Variants in GARRE1 observed in about 807,000 individuals in gnomAD.
The protein encoded by GARRE1 is granule associated Rac and RHOG effector protein 1.
A neutral mutation model predicts 103.2 loss-of-function variants in GARRE1; 49 were observed. That is an observed-to-expected ratio of 0.47 (90% confidence interval 0.38 to 0.60). The LOEUF is 0.60. GARRE1 is among the 20% of genes least tolerant of loss of function. The pLI is 0.00. For missense variants in GARRE1, 1,199 were observed against 1,370.5 expected (o/e 0.87, Z 1.98); for synonymous variants, 505 against 532.8 (o/e 0.95, Z 0.72).
rs1468858805 is a variant in GARRE1 at position 34,348,010 on chromosome 19, G to T, written c.2655G>T (p.Arg885=). ...GNWPPMDDAH[R]TWPFPEFFTE... ...GGCCGCCTATGGATGACGCGCATCG[G>T]ACCTGGCCCTTCCCCGAGTTCTTCA... The change falls in exon 11 of 14, where the codon CGG becomes CGT. Residue 885 remains arginine, a synonymous_variant. Coordinates refer to ENST00000299505, the MANE Select transcript of GARRE1 (RefSeq NM_014686.5). 6.6e-7 allele frequency: 1 copy of T among 1,523,524 alleles called. No homozygotes were observed. The highest frequency in any genetic ancestry group is 1.2e-5 in the South Asian group (1 of 80,432). 94.4% of individuals were successfully genotyped at this position (1,523,524 alleles called of 1,614,324 possible). A position where few individuals can be genotyped will look rare whatever the true frequency, so the allele number is the denominator to read the frequency against.
At chr19:34,299,061 G>C (rs1032885197) in intron 1 of GARRE1, among the ~76,000 whole-genome samples, 1 of 152,124 alleles carries the variant, frequency 6.6e-6, no homozygotes, top group African/African-American at 2.4e-5. Flanking sequence ...CCCTTCTCCA[G>C]GCTCTGTTTC....
chr19:34,301,982 CTTTTTTTTTTTT>C (rs35417822), intron 2 of GARRE1, among the ~76,000 whole-genome samples: 37 of 50,062 alleles, frequency 7.4e-4, no homozygotes, highest in East Asian at 1.9e-3. Context: ...TGCGCCCAGC[CTTTTTTTTTTTT>C]TTTTTTTTTT....
At position 34,341,775 on chromosome 19, in the gene GARRE1, T is replaced by C; in HGVS notation, c.1841T>C (p.Val614Ala). ...SQSAQNSSNT[V>A]ANGFLMERRE... ...TCAGCTCAGAATTCCAGTAATACAG[T>C]GGCCAATGGCTTTCTCATGGAGAGG... Residue 614 changes from valine to alanine, a missense_variant, in exon 10 of 14, where the codon GTG becomes GCG. Transcript: ENST00000299505. 6.2e-6 allele frequency: 10 copies of C among 1,614,196 alleles called. No individual in the cohort carries two copies. Among genetic ancestry groups the C allele is most frequent in the Non-Finnish European group, 8.5e-6 (10 of 1,180,022 alleles).
At chr19:34,331,280 T>G (rs2074136773) in intron 7 of GARRE1, among the ~76,000 whole-genome samples, 1 of 152,200 alleles carries the variant, frequency 6.6e-6, no homozygotes, top group South Asian at 2.1e-4. Context: ...GGAGCTACAT[T>G]GGATGTCTGT....
chr19:34,286,062 T>C (rs1381275312), intron 1 of GARRE1, among the ~76,000 whole-genome samples: 1 of 152,110 alleles, frequency 6.6e-6, no homozygotes, highest in African/African-American at 2.4e-5. Context: ...CCAGGCACAG[T>C]GGCACACGCC....
intron 3 of GARRE1, among the ~76,000 whole-genome samples, chr19:34,323,665 C>T (rs1467667649): frequency 2.6e-5 from 4 of 152,240 alleles, no homozygotes; most frequent in Admixed American, 6.5e-5. Context: ...TGTGACTTTA[C>T]AACCCTCGGT....
At chr19:34,295,769 G>A (rs1003026087) in intron 1 of GARRE1, among the ~76,000 whole-genome samples, 2 of 152,080 alleles carry the variant, frequency 1.3e-5, no homozygotes, top group Admixed American at 1.3e-4. Flanking sequence ...GGCCTCAAGC[G>A]ATCCTCTTGT....
Position 34,337,488 on chromosome 19 carries a change from G to A in GARRE1, c.1362-2379G>A, listed in dbSNP as rs369326021. On this transcript the variant is annotated intron_variant, in intron 8 of 13. Coordinates refer to ENST00000299505, the MANE Select transcript of GARRE1 (RefSeq NM_014686.5). ...AGAGGAGCCTGTCATGCAGAGAGCC[G>A]ATGGGGAACACACTTCAGGCAGAAA... 1.0e-3 allele frequency among the ~76,000 whole-genome samples: 156 copies of A among 152,302 alleles called. 3 individuals are homozygous for A. In the South Asian group the frequency reaches 0.031, roughly 30 times the overall value.
Position 34,300,224 on chromosome 19 carries a change from G to A in GARRE1, c.-250G>A, listed in dbSNP as rs1473158354. Reference sequence around the variant, plus strand: ...TAGTAAGAGAGTGGAATGCTAAACAGTTCTTATCCAGCATTTTGGACATCT... The same window carrying A: ...TAGTAAGAGAGTGGAATGCTAAACAATTCTTATCCAGCATTTTGGACATCT... On this transcript the variant is annotated 5_prime_UTR_variant, in exon 2 of 14. Coordinates refer to ENST00000299505, the MANE Select transcript of GARRE1 (RefSeq NM_014686.5). The A allele has an allele frequency of 4.7e-6, 2 of 422,862 alleles. No homozygotes were observed. Among genetic ancestry groups the A allele is most frequent in the African/African-American group, 4.0e-5 (2 of 50,048 alleles). 26.2% of individuals were successfully genotyped at this position (422,862 alleles called of 1,614,324 possible).
chr19:34,270,296 A>T (rs935551315), intron 1 of GARRE1, among the ~76,000 whole-genome samples: 1 of 152,172 alleles, frequency 6.6e-6, no homozygotes, highest in Admixed American at 6.5e-5. Flanking sequence ...TAGGAACATG[A>T]TTTTGTGATT....
rs542578205 is a variant in GARRE1, at chr19:34,351,069, C to T, written c.2826-445C>T. On this transcript the variant is annotated intron_variant, in intron 12 of 13. Transcript: ENST00000299505. ...CAAAAATTAGCTGGGCATGGTGGCACGCACCTGTAATCCCAGCTACTCGGG... is the reference window on the plus strand; with the variant it reads ...CAAAAATTAGCTGGGCATGGTGGCATGCACCTGTAATCCCAGCTACTCGGG... 2.3e-3 allele frequency among the ~76,000 whole-genome samples: 343 copies of T among 151,586 alleles called. 1 individual carries two copies. The highest frequency in any genetic ancestry group is 7.9e-3 in the African/African-American group (326 of 41,408).
chr19:34,333,025 C>T (rs539364561), intron 7 of GARRE1, among the ~76,000 whole-genome samples: 1 of 152,206 alleles, frequency 6.6e-6, no homozygotes, highest in African/African-American at 2.4e-5. Context: ...ATGGGCTTAT[C>T]TGAAGCATTG....
rs182739096 is a variant in GARRE1, at chr19:34,302,717, T to C, written c.495+1749T>C. Among the ~76,000 whole-genome samples the C allele has an allele frequency of 4.0e-5, 6 of 151,730 alleles. No individual in the cohort carries two copies. In the East Asian group the frequency reaches 1.2e-3, roughly 29 times the overall value. The stretch of plus-strand genomic sequence containing the variant: ...ATGTATTTGAGTCTTCTTCAGTACA[T>C]TTCTTGGGGTCTTTGATAGTTTTTT... On this transcript the variant is annotated intron_variant, in intron 2 of 13. Coordinates refer to ENST00000299505, the MANE Select transcript of GARRE1 (RefSeq NM_014686.5).
rs74177138 is a variant in GARRE1, at chr19:34,333,677, G to GTTTTTTTTTTT, written c.1264-20_1264-10dup. 1.8e-3 allele frequency: 1,186 copies of GTTTTTTTTTTT among 674,112 alleles called. 9 individuals carry two copies. Among genetic ancestry groups the GTTTTTTTTTTT allele is most frequent in the South Asian group, 4.4e-3 (232 of 53,320 alleles). The allele number at this position is 674,112 out of a possible 1,614,324, so 41.8% of individuals were successfully genotyped here. ...TCTCTCTGAAAGCTGGTTGTTATTT[G>GTTTTTTTTTTT]TTTTTTTTTTTTTTTTTCGATCTTA... On this transcript the variant is annotated intron_variant, in intron 7 of 13. Transcript: ENST00000299505.
intron 2 of GARRE1, among the ~76,000 whole-genome samples, chr19:34,302,151 C>G (rs374043150): frequency 6.6e-6 from 1 of 151,334 alleles, no homozygotes; most frequent in African/African-American, 2.4e-5. Flanking sequence ...CCACCATGCC[C>G]GGCTAATTTT....
intron 1 of GARRE1, among the ~76,000 whole-genome samples, chr19:34,295,656 A>G (rs1340092381): frequency 6.6e-6 from 1 of 152,098 alleles, no homozygotes; most frequent in African/African-American, 2.4e-5. Flanking sequence ...CAGCCTCCCA[A>G]GTAGCAGAGA....
chr19:34,312,734 C>G (rs2074042841), intron 2 of GARRE1, among the ~76,000 whole-genome samples: 1 of 152,086 alleles, frequency 6.6e-6, no homozygotes, highest in Non-Finnish European at 1.5e-5. Context: ...TGAGACCAGC[C>G]TGGCCAACAT....
chr19:34,314,121 G>GA (rs1390717759), intron 2 of GARRE1, among the ~76,000 whole-genome samples: 1 of 152,082 alleles, frequency 6.6e-6, no homozygotes, highest in Non-Finnish European at 1.5e-5. Context: ...TTTTGAATGG[G>GA]AAAAATTACT....
chr19:34,293,759 T>C (rs77498018), intron 1 of GARRE1, among the ~76,000 whole-genome samples: 4 of 98,338 alleles, frequency 4.1e-5, no homozygotes, highest in African/African-American at 1.3e-4. Flanking sequence ...TCTTTTTTTT[T>C]TTTTTTTTTT....
Sources: allele counts gnomAD v4.1 joint callset (sites outside exome capture counted in the v4.1 genomes callset), GRCh38; gene constraint gnomAD v4.1.1; transcripts MANE v1.5; gene names NCBI Gene and HGNC (gene_info 2026-07-23, HGNC 2026-07-21).